XKR9: variants seen among roughly 807,000 people sequenced by gnomAD.
XKR9 encodes the protein XK related 9, also known as XK-related protein 9.
A neutral mutation model predicts 32.0 loss-of-function variants in XKR9; 32 were observed. That is an observed-to-expected ratio of 1.00 (90% CI 0.76 to 1.34). The LOEUF (loss-of-function observed/expected upper bound fraction) is 1.34, where lower values mean the gene tolerates loss of function less well. XKR9 is among the 40% of genes most tolerant of loss of function. The pLI, the probability that XKR9 is intolerant of heterozygous loss-of-function variation, is 0.00. For missense variants in XKR9, 546 were observed against 429.7 expected, an observed-to-expected ratio of 1.27 and a Z score of -2.39; for synonymous variants, 168 against 143.4, an observed-to-expected ratio of 1.17 and a Z score of -1.22.
the XKR9 span, among the ~76,000 whole-genome samples, chr8:70,934,211 GT>G: frequency 1.3e-5 from 2 of 151,944 alleles, no homozygotes; most frequent in African/African-American, 4.8e-5. Context: ...CTGATATTCT[GT>G]TGAAATGGAA....
the XKR9 span, among the ~76,000 whole-genome samples, chr8:70,921,899 G>A: frequency 2.6e-5 from 4 of 152,178 alleles, no homozygotes; most frequent in African/African-American, 9.6e-5. Flanking sequence ...GTCAGCTTAG[G>A]ACTAGAAGAA....
chr8:70,732,550 C>T (rs900626076), intron 4 of XKR9, among the ~76,000 whole-genome samples: 6 of 152,188 alleles, frequency 3.9e-5, no homozygotes, highest in African/African-American at 1.2e-4. Flanking sequence ...ATATTTGTAA[C>T]CACCCAGTGG....
chr8:70,827,345 G>C, the XKR9 span, among the ~76,000 whole-genome samples: 1 of 152,098 alleles, frequency 6.6e-6, no homozygotes, highest in Non-Finnish European at 1.5e-5. Context: ...TATAGATGTT[G>C]TTACCAAAAG....
At position 70,726,004 on chromosome 8, in the gene XKR9, C is replaced by G. The variant is rs1308701443; in HGVS notation, c.494-7792C>G. On this transcript the variant is annotated intron_variant, in intron 4 of 4. Coordinates refer to ENST00000408926, the MANE Select transcript of XKR9 (RefSeq NM_001011720.2). ...ATGGATTTTACATTTTCTTTCTACCCAGATAAACTCAATCTAACTTGTTAT... is the reference window on the plus strand; with the variant it reads ...ATGGATTTTACATTTTCTTTCTACCGAGATAAACTCAATCTAACTTGTTAT... 3.3e-5 allele frequency among the ~76,000 whole-genome samples: 5 copies of G among 152,208 alleles called. No individual in the cohort carries two copies. The East Asian group carries it at 9.6e-4, about 29-fold the overall frequency.
chr8:70,999,550 T>C, the XKR9 span, among the ~76,000 whole-genome samples: 1 of 152,192 alleles, frequency 6.6e-6, no homozygotes, highest in Non-Finnish European at 1.5e-5. Context: ...AGGACAGACT[T>C]GGCTTCAGGG....
chr8:70,752,736 A>T (rs1021218613), intron 2 of XKR9, among the ~76,000 whole-genome samples: 2 of 152,212 alleles, frequency 1.3e-5, no homozygotes, highest in East Asian at 3.9e-4. Flanking sequence ...AAGACACAAC[A>T]TACCAGAATC....
At chr8:70,776,090 G>C (rs550960241) in intron 2 of XKR9, among the ~76,000 whole-genome samples, 63 of 152,060 alleles carry the variant, frequency 4.1e-4, no homozygotes, top group African/African-American at 1.2e-3. Context: ...TATTGGTATT[G>C]GGAAAGCCCT....
chr8:70,742,470 T>A lies in XKR9; in HGVS notation n.352+35317T>A, dbSNP rs1033917352. Among the ~76,000 whole-genome samples, 8 of 152,248 alleles carry A rather than the reference T, an allele frequency of 5.3e-5. No individual in the cohort carries two copies. The East Asian group carries it at 1.5e-3, about 29-fold the overall frequency. On this transcript the variant is annotated intron_variant and non_coding_transcript_variant, in intron 2 of 3. Coordinates refer to the XKR9 transcript ENST00000520273. ...TAATAAAGGGCCTAAAGACTTTGAA[T>A]CATAAAGTGAAAGTGTTCTTCGTTT...
the XKR9 span, among the ~76,000 whole-genome samples, chr8:70,975,970 T>C: frequency 1.3e-5 from 2 of 152,284 alleles, no homozygotes; most frequent in South Asian, 2.1e-4. Flanking sequence ...CCCTTGGAAG[T>C]TGGATTCCTA....
At chr8:70,732,292 C>T (rs1338880255) in intron 4 of XKR9, among the ~76,000 whole-genome samples, 2 of 152,242 alleles carry the variant, frequency 1.3e-5, no homozygotes, top group Non-Finnish European at 2.9e-5. Context: ...CAGCTACAGA[C>T]ACTCTGCCAT....
intron 2 of XKR9, among the ~76,000 whole-genome samples, chr8:70,752,457 T>A (rs1263927787): frequency 1.2e-4 from 18 of 152,134 alleles, no homozygotes; most frequent in Admixed American, 1.1e-3. Flanking sequence ...GAAGTTGGCA[T>A]GTGCAGAGAC....
the XKR9 span, among the ~76,000 whole-genome samples, chr8:71,019,248 G>A: frequency 6.0e-3 from 915 of 152,186 alleles, 10 homozygotes; most frequent in African/African-American, 0.021. Context: ...GAGGTCTGTA[G>A]AATTTTAGCG....
At chr8:70,833,356 ATTGT>A in the XKR9 span, among the ~76,000 whole-genome samples, 1 of 152,316 alleles carries the variant, frequency 6.6e-6, no homozygotes, top group East Asian at 1.9e-4. Flanking sequence ...CCTTGCCTAC[ATTGT>A]TTATTAGTAT....
chr8:70,970,960 A>G, the XKR9 span, among the ~76,000 whole-genome samples: 1 of 152,204 alleles, frequency 6.6e-6, no homozygotes, highest in African/African-American at 2.4e-5. Flanking sequence ...CTGGGTATAT[A>G]CCCAAAGGAT....
At chr8:71,036,870 CTT>C in the XKR9 span, among the ~76,000 whole-genome samples, 29 of 135,382 alleles carry the variant, frequency 2.1e-4, no homozygotes, top group South Asian at 3.8e-3. Context: ...GAGATTGCAC[CTT>C]TTTTTTTTTT....
the XKR9 span, among the ~76,000 whole-genome samples, chr8:71,032,296 A>T: frequency 1.2e-4 from 18 of 149,150 alleles, no homozygotes; most frequent in East Asian, 1.5e-3. Flanking sequence ...AAAAAAAAAA[A>T]AAAAAAAAAA....
the XKR9 span, among the ~76,000 whole-genome samples, chr8:71,025,675 A>G: frequency 2.6e-5 from 4 of 152,182 alleles, no homozygotes; most frequent in Non-Finnish European, 5.9e-5. Flanking sequence ...CTTTCTGACA[A>G]TCTGTCCACA....
chr8:70,895,790 G>A, the XKR9 span, among the ~76,000 whole-genome samples: 1 of 140,250 alleles, frequency 7.1e-6, no homozygotes, highest in African/African-American at 2.7e-5. Context: ...TTTGAGATCA[G>A]CCTGGGCAAC....
At chr8:70,815,259 A>G in the XKR9 span, among the ~76,000 whole-genome samples, 1 of 152,042 alleles carries the variant, frequency 6.6e-6, no homozygotes. Flanking sequence ...AGATTATTTC[A>G]TCACCACCAA....
Sources: gnomAD v4.1 joint callset for allele counts (sites outside exome capture counted in the v4.1 genomes callset) on GRCh38, gnomAD v4.1.1 for gene constraint, MANE v1.5 for transcripts, NCBI Gene and HGNC (gene_info 2026-07-23, HGNC 2026-07-21) for gene names.